The following ENTPD7 variants were observed in gnomAD, a reference collection of about 807,000 sequenced individuals.
The protein encoded by ENTPD7 is ectonucleoside triphosphate diphosphohydrolase 7.
A neutral mutation model predicts 77.9 loss-of-function variants in ENTPD7; 53 were observed. The observed-to-expected ratio is 0.68, with a 90% confidence interval of 0.55 to 0.85. ENTPD7 has a LOEUF of 0.85. Ranked by LOEUF, ENTPD7 falls within the 40% of genes least tolerant of loss-of-function variation. ENTPD7 has a pLI of 0.00. For missense variants in ENTPD7, 636 were observed against 743.7 expected (o/e 0.86, Z 1.68); for synonymous variants, 248 against 274.9 (o/e 0.90, Z 0.97).
intron 5 of ENTPD7, among the ~76,000 whole-genome samples, chr10:99,684,591 T>C (rs1177366533): frequency 6.6e-6 from 1 of 152,254 alleles, no homozygotes; most frequent in Non-Finnish European, 1.5e-5. Context: ...ACTTCAAATA[T>C]AGATCTTCAC....
At position 99,708,973 on chromosome 10, in the gene ENTPD7, C is replaced by G. The variant is rs886046594; in HGVS notation, c.*4290C>G. On this transcript the variant is annotated 3_prime_UTR_variant, in exon 13 of 13. Transcript: ENST00000370489. ...CTGACATTCATTTATGACTGCTTTG[C>G]TCACATTTAGGAATAAACTTTGAAA... The G allele has an allele frequency of 1.0e-6, 1 of 985,424 alleles. No homozygotes were observed. The highest frequency in any genetic ancestry group is 1.2e-6 in the Non-Finnish European group (1 of 829,928). The allele number at this position is 985,424 out of a possible 1,614,324, so 61.0% of individuals were successfully genotyped here.
At chr10:99,680,271 C>T (rs1282305050) in intron 5 of ENTPD7, among the ~76,000 whole-genome samples, 2 of 152,214 alleles carry the variant, frequency 1.3e-5, no homozygotes, top group African/African-American at 2.4e-5. Context: ...AGTCCCTCTT[C>T]TTGCTGCTAC....
chr10:99,668,897 C>T (rs527362709), intron 3 of ENTPD7, among the ~76,000 whole-genome samples: 6 of 152,082 alleles, frequency 3.9e-5, no homozygotes, highest in East Asian at 3.9e-4. Context: ...AAATTATATC[C>T]GTACTTTGTG....
At chr10:99,698,439 A>C in intron 9 of ENTPD7, 95 bp from the exon 10 acceptor site, 1 of 1,191,470 alleles carries the variant, frequency 8.4e-7, no homozygotes, top group Admixed American at 2.5e-5. Context: ...GAAAACCAGT[A>C]GTAAGATATT....
intron 12 of ENTPD7, 141 bp downstream of exon 12, chr10:99,702,814 A>G (rs1590065252): frequency 1.5e-6 from 1 of 688,172 alleles, no homozygotes; most frequent in East Asian, 3.3e-5. Context: ...CACAAAAACA[A>G]ACTCCTTTAC....
chr10:99,660,013 A>G (rs971733610), intron 2 of ENTPD7, 49 bp downstream of exon 2: 1 of 1,613,364 alleles, frequency 6.2e-7, no homozygotes, highest in African/African-American at 1.3e-5. Flanking sequence ...AGAGGATGGC[A>G]GGCAGGTTGG....
In ENTPD7 at chr10:99,696,104, A is replaced by T; in HGVS notation, c.992A>T (p.Glu331Val). ...RQRYEDLVLNETLNKNRLLGQ... is the reference protein window; with the variant it reads ...RQRYEDLVLNVTLNKNRLLGQ... ...CGCTACGAAGACCTTGTTCTGAATG[A>T]AACTCTTAACAAAAACAGGTACATT... is the stretch of plus-strand genomic sequence containing the variant. The change falls in exon 9 of 13, where the codon GAA becomes GTA. Residue 331 changes from glutamate to valine, a missense_variant. Around this residue, in one of 3 missense-constraint regions of ENTPD7, gnomAD observed 486 missense variants for 556.5 expected, o/e 0.87. Coordinates refer to ENST00000370489, the MANE Select transcript of ENTPD7 (RefSeq NM_020354.5). The T allele has an allele frequency of 6.2e-7, 1 of 1,613,318 alleles. No individual in the cohort carries two copies.
At chr10:99,701,334 C>T (rs1369124313) in intron 11 of ENTPD7, among the ~76,000 whole-genome samples, 2 of 150,726 alleles carry the variant, frequency 1.3e-5, no homozygotes, top group Non-Finnish European at 2.9e-5. Flanking sequence ...GTTGCCCAGG[C>T]TGGAGTGCAG....
At chr10:99,683,458 G>T (rs774252033) in intron 5 of ENTPD7, among the ~76,000 whole-genome samples, 25 of 151,958 alleles carry the variant, frequency 1.6e-4, no homozygotes, top group Admixed American at 6.6e-5. Context: ...AATACAAGGT[G>T]GTGTTTAATA....
intron 3 of ENTPD7, among the ~76,000 whole-genome samples, chr10:99,670,391 AC>A (rs1198061893): frequency 6.6e-6 from 1 of 152,232 alleles, no homozygotes; most frequent in East Asian, 1.9e-4. Flanking sequence ...TGCTAAGTGT[AC>A]CATGTTTTAA....
intron 5 of ENTPD7, 126 bp from the exon 6 acceptor site, chr10:99,685,666 C>T: frequency 1.5e-6 from 1 of 653,890 alleles, no homozygotes; most frequent in Non-Finnish European, 2.7e-6. Flanking sequence ...AGAAGCAGGG[C>T]TGGACAAGTA....
intron 2 of ENTPD7, among the ~76,000 whole-genome samples, chr10:99,660,873 G>C (rs1797066024): frequency 1.3e-5 from 2 of 151,458 alleles, no homozygotes; most frequent in African/African-American, 2.4e-5. Flanking sequence ...AGTGAGCTGA[G>C]ATTGCGCTAC....
chr10:99,665,256 G>GA (rs11428277), intron 3 of ENTPD7, among the ~76,000 whole-genome samples: 117,240 of 142,206 alleles, frequency 0.82, 48,408 homozygotes, highest in Middle Eastern at 0.91. Context: ...CTGTCTCAAA[G>GA]AAAAAAAAAA....
At chr10:99,687,699 G>C (rs1344019204) in intron 6 of ENTPD7, among the ~76,000 whole-genome samples, 1 of 152,170 alleles carries the variant, frequency 6.6e-6, no homozygotes, top group African/African-American at 2.4e-5. Flanking sequence ...ATTGTTTAGG[G>C]TCAGATCCAT....
rs1378330997 is a variant in ENTPD7 at position 99,704,732 on chromosome 10, T to C, written c.*49T>C. On this transcript the variant is annotated 3_prime_UTR_variant, in exon 13 of 13. Coordinates refer to ENST00000370489, the MANE Select transcript of ENTPD7 (RefSeq NM_020354.5). ...TTGAGCACCCCCGAGTTGCTGCTCATTGAATTCCTCCACTTTCTTATATAG... is the reference window on the plus strand; with the variant it reads ...TTGAGCACCCCCGAGTTGCTGCTCACTGAATTCCTCCACTTTCTTATATAG... 1.3e-6 allele frequency: 2 copies of C among 1,520,050 alleles called. No individual in the cohort carries two copies. The highest frequency in any genetic ancestry group is 2.3e-5 in the South Asian group (2 of 85,648). 94.2% of individuals were successfully genotyped at this position (1,520,050 alleles called of 1,614,324 possible).
chr10:99,700,464 C>G (rs894600367), intron 10 of ENTPD7, among the ~76,000 whole-genome samples: 1 of 151,088 alleles, frequency 6.6e-6, no homozygotes, highest in African/African-American at 2.4e-5. Context: ...TGTCTCCTAC[C>G]ACTAGAATGT....
chr10:99,684,500 A>AT (rs2035788913), intron 5 of ENTPD7, among the ~76,000 whole-genome samples: 1 of 152,246 alleles, frequency 6.6e-6, no homozygotes, highest in Non-Finnish European at 1.5e-5. Context: ...CCCATTTGAA[A>AT]TTCTTATTGC....
chr10:99,703,342 G>A (rs1252047906), intron 12 of ENTPD7, among the ~76,000 whole-genome samples: 5 of 152,214 alleles, frequency 3.3e-5, no homozygotes, highest in African/African-American at 1.2e-4. Flanking sequence ...CCAGGCAGGC[G>A]ACAGAAGTGA....
chr10:99,688,718 A>G lies in ENTPD7; in HGVS notation c.677A>G (p.Asn226Ser), dbSNP rs754327990. ...GGGGTTTATGCATGGATTGGAATCA[A>G]CTTTGTTTTGGGAAGATTCGACCAC... ...QEGVYAWIGI[N>S]FVLGRFDHED... Residue 226 changes from asparagine to serine, a missense_variant, in exon 7 of 13, where the codon AAC (asparagine) becomes AGC (serine). Coordinates refer to ENST00000370489, the MANE Select transcript of ENTPD7 (RefSeq NM_020354.5). 22 of 1,613,864 alleles carry G rather than the reference A, an allele frequency of 1.4e-5. No homozygotes were observed. The Admixed American group carries it at 3.3e-4, about 24-fold the overall frequency.
Sources: gnomAD v4.1 joint callset for allele counts (sites outside exome capture counted in the v4.1 genomes callset) on GRCh38, gnomAD v4.1.1 for gene constraint, gnomAD v4.1.1 regional missense constraint, MANE v1.5 for transcripts, NCBI Gene and HGNC (gene_info 2026-07-23, HGNC 2026-07-21) for gene names.